The following TANGO6 variants were observed in gnomAD, a reference collection of about 807,000 sequenced individuals.
The protein encoded by TANGO6 is transport and Golgi organization protein 6 homolog.
In TANGO6, 90 loss-of-function variants were observed where a neutral mutation model predicts 114.2. That is an observed-to-expected ratio of 0.79 (90% CI 0.66 to 0.94). TANGO6 has a LOEUF of 0.94. TANGO6 is among the 40% of genes least tolerant of loss of function. The pLI, the probability that TANGO6 is intolerant of heterozygous loss-of-function variation, is 0.00. For missense variants in TANGO6, 1,274 were observed against 1,315.3 expected, an observed-to-expected ratio of 0.97 and a Z score of 0.49; for synonymous variants, 477 against 509.8, an observed-to-expected ratio of 0.94 and a Z score of 0.87.
intron 15 of TANGO6, among the ~76,000 whole-genome samples, chr16:69,020,778 TCCCAGCTAC>T (rs1391959642): frequency 6.6e-6 from 1 of 152,010 alleles, no homozygotes; most frequent in Non-Finnish European, 1.5e-5. Context: ...ACACCTGTCT[TCCCAGCTAC>T]TCTGGAGGCT....
chr16:68,853,176 G>C (rs1961932977), intron 1 of TANGO6, among the ~76,000 whole-genome samples: 1 of 151,516 alleles, frequency 6.6e-6, no homozygotes, highest in Non-Finnish European at 1.5e-5. Flanking sequence ...CATGTACTTG[G>C]CTGAGGCATG....
At position 68,940,992 on chromosome 16, in the gene TANGO6, C is replaced by G. The variant is rs1164063966; in HGVS notation, c.2701+10697C>G. On this transcript the variant is annotated intron_variant, in intron 14 of 17. Transcript: ENST00000261778. ...AGTTTCTGGGCCTGCCAGAAAGTGA[C>G]AGTTTTATTTACTTACTATAAGGCT... Among the ~76,000 whole-genome samples, 3 of 152,142 alleles carry G rather than the reference C, an allele frequency of 2.0e-5. No homozygotes were observed. In the East Asian group the frequency reaches 5.8e-4, roughly 29 times the overall value.
At chr16:69,043,252 G>A (rs1174734260) in intron 17 of TANGO6, among the ~76,000 whole-genome samples, 1 of 151,084 alleles carries the variant, frequency 6.6e-6, no homozygotes, top group African/African-American at 2.4e-5. Flanking sequence ...GAGTGAGAGA[G>A]TGAAAGTGAG....
At chr16:69,056,882 G>A (rs540115451) in intron 17 of TANGO6, among the ~76,000 whole-genome samples, 5 of 151,368 alleles carry the variant, frequency 3.3e-5, no homozygotes, top group African/African-American at 9.7e-5. Flanking sequence ...GGGTTTCACC[G>A]TGTTAGCCAG....
At chr16:69,048,185 C>A (rs1041981410) in intron 17 of TANGO6, among the ~76,000 whole-genome samples, 5 of 151,380 alleles carry the variant, frequency 3.3e-5, no homozygotes, top group African/African-American at 9.7e-5. Flanking sequence ...TGGGTTCAAG[C>A]GATTCTTGTG....
At chr16:68,974,478 A>G (rs1344774734) in intron 15 of TANGO6, among the ~76,000 whole-genome samples, 7 of 152,116 alleles carry the variant, frequency 4.6e-5, no homozygotes, top group Non-Finnish European at 1.0e-4. Flanking sequence ...CCTGGTCCAC[A>G]TGGTGAAACC....
intron 14 of TANGO6, among the ~76,000 whole-genome samples, chr16:68,949,760 G>A (rs1401160120): frequency 6.6e-6 from 1 of 152,020 alleles, no homozygotes; most frequent in African/African-American, 2.4e-5. Flanking sequence ...TGGTTATCAT[G>A]TGACCTATCA....
intron 15 of TANGO6, among the ~76,000 whole-genome samples, chr16:69,020,935 TGTGTGTG>T (rs1029626078): frequency 4.7e-5 from 7 of 149,528 alleles, no homozygotes; most frequent in African/African-American, 1.2e-4. Flanking sequence ...TGTGTGTGTG[TGTGTGTG>T]GTGTGTGTGT....
At chr16:68,883,233 C>T in intron 7 of TANGO6, among the ~76,000 whole-genome samples, 1 of 151,926 alleles carries the variant, frequency 6.6e-6, no homozygotes, top group Non-Finnish European at 1.5e-5. Flanking sequence ...ATAAAGTGTA[C>T]AGGCATGCCT....
At chr16:69,061,510 G>A (rs1408918033) in intron 17 of TANGO6, among the ~76,000 whole-genome samples, 1 of 151,306 alleles carries the variant, frequency 6.6e-6, no homozygotes, top group South Asian at 2.1e-4. Flanking sequence ...CCGAGATCGC[G>A]CCACCGCACT....
intron 12 of TANGO6, among the ~76,000 whole-genome samples, chr16:68,919,777 T>A (rs1326901664): frequency 2.0e-5 from 3 of 152,150 alleles, no homozygotes; most frequent in African/African-American, 7.2e-5. Context: ...GGTGGCTCAC[T>A]GAGCCTGTAA....
intron 14 of TANGO6, among the ~76,000 whole-genome samples, chr16:68,971,968 T>A (rs1468532968): frequency 1.3e-5 from 2 of 152,064 alleles, no homozygotes; most frequent in African/African-American, 4.8e-5. Context: ...CAATATTCCA[T>A]AACTCCGTGT....
intron 16 of TANGO6, among the ~76,000 whole-genome samples, chr16:69,027,222 A>C (rs1427460920): frequency 2.0e-5 from 3 of 152,168 alleles, no homozygotes; most frequent in Admixed American, 6.6e-5. Flanking sequence ...AGAGAAGCAC[A>C]CTCACAGATG....
chr16:68,854,458 A>G (rs773296497), intron 1 of TANGO6, among the ~76,000 whole-genome samples: 12 of 152,166 alleles, frequency 7.9e-5, no homozygotes, highest in Non-Finnish European at 1.6e-4. Context: ...AAAAGAAAAG[A>G]AACAAACCAA....
Position 68,935,126 on chromosome 16 carries a change from A to T in TANGO6, c.2701+4831A>T, listed in dbSNP as rs367757655. On this transcript the variant is annotated intron_variant, in intron 14 of 17. Coordinates refer to ENST00000261778, the MANE Select transcript of TANGO6 (RefSeq NM_024562.2). Reference sequence around the variant, plus strand: ...GCTGAATTTTCCCACCTGCATTGCCAGTGTAGTTTGCCTGGGCCTAAAGCA... The same window carrying T: ...GCTGAATTTTCCCACCTGCATTGCCTGTGTAGTTTGCCTGGGCCTAAAGCA... Among the ~76,000 whole-genome samples, 57 of 152,326 alleles carry T rather than the reference A, an allele frequency of 3.7e-4. 1 individual carries two copies. The highest frequency in any genetic ancestry group is 1.3e-3 in the African/African-American group (54 of 41,568).
intron 16 of TANGO6, chr16:69,035,464 A>G (rs1299584814): frequency 6.6e-6 from 1 of 152,206 alleles, no homozygotes; most frequent in African/African-American, 2.4e-5. Context: ...AATTCTGGCA[A>G]CTTCTCACTT....
intron 15 of TANGO6, among the ~76,000 whole-genome samples, chr16:69,012,688 T>C (rs1175549324): frequency 1.3e-5 from 2 of 152,250 alleles, no homozygotes; most frequent in East Asian, 3.9e-4. Context: ...ATGAATGCTT[T>C]CTGAAAATGG....
chr16:69,023,285 A>G (rs1034148699), intron 16 of TANGO6, among the ~76,000 whole-genome samples: 1 of 151,932 alleles, frequency 6.6e-6, no homozygotes, highest in Non-Finnish European at 1.5e-5. Context: ...GCGTAACCCT[A>G]TCTCTACTAA....
At chr16:69,011,480 G>T (rs2152224231) in intron 15 of TANGO6, among the ~76,000 whole-genome samples, 1 of 150,950 alleles carries the variant, frequency 6.6e-6, no homozygotes, top group Non-Finnish European at 1.5e-5. Context: ...TGGAAAAAGG[G>T]TCTTGCTGTG....
Sources: allele counts gnomAD v4.1 joint callset (sites outside exome capture counted in the v4.1 genomes callset), GRCh38; gene constraint gnomAD v4.1.1; transcripts MANE v1.5; gene names NCBI Gene and HGNC (gene_info 2026-07-23, HGNC 2026-07-21).